Variants in GLCE observed in about 807,000 individuals in gnomAD.
GLCE encodes D-glucuronyl C5-epimerase.
In GLCE, 19 loss-of-function variants were observed where a neutral mutation model predicts 47.9. The ratio of observed to expected loss-of-function variants is 0.40; its 90% CI spans 0.28 to 0.58. The LOEUF (loss-of-function observed/expected upper bound fraction) is 0.58, where lower values mean the gene tolerates loss of function less well. Among genes scored for constraint, GLCE ranks in the 20% least tolerant of loss-of-function variants. The pLI is 0.48. For missense variants in GLCE, 556 were observed against 743.3 expected (o/e 0.75, Z 2.93); for synonymous variants, 245 against 263.4 (o/e 0.93, Z 0.68).
intron 4 of GLCE, among the ~76,000 whole-genome samples, chr15:69,262,270 T>G (rs1272339283): frequency 6.6e-6 from 1 of 152,234 alleles, no homozygotes; most frequent in African/African-American, 2.4e-5. Flanking sequence ...TTAATTTTTA[T>G]TCTGTCACTA....
At chr15:69,249,486 TATTTC>T (rs2052805264) in intron 2 of GLCE, among the ~76,000 whole-genome samples, 1 of 152,226 alleles carries the variant, frequency 6.6e-6, no homozygotes, top group Non-Finnish European at 1.5e-5. Flanking sequence ...GAGCAATTAC[TATTTC>T]ATCTACTTAC....
intron 2 of GLCE, among the ~76,000 whole-genome samples, chr15:69,254,452 G>A (rs1463903704): frequency 6.6e-6 from 1 of 152,180 alleles, no homozygotes; most frequent in Admixed American, 6.5e-5. Context: ...GTTAAGAATA[G>A]ACTTGAGGGT....
intron 2 of GLCE, among the ~76,000 whole-genome samples, chr15:69,233,595 G>A (rs1048924984): frequency 3.4e-4 from 52 of 152,260 alleles, no homozygotes; most frequent in African/African-American, 1.2e-3. Flanking sequence ...CTTCCTAGAG[G>A]TGGAGTTTCA....
At chr15:69,199,369 G>A in intron 1 of GLCE, among the ~76,000 whole-genome samples, 1 of 152,104 alleles carries the variant, frequency 6.6e-6, no homozygotes, top group Middle Eastern at 3.2e-3. Context: ...TTATGACATG[G>A]ATGAGCATAA....
chr15:69,256,146 G>GCC lies in GLCE; in HGVS notation c.340_341insCC (p.Glu114AlafsTer79). On this transcript the variant is annotated frameshift_variant, in exon 3 of 5. Coordinates refer to ENST00000261858, the MANE Select transcript of GLCE (RefSeq NM_015554.3). LOFTEE classifies it high-confidence loss of function. ...AGAAATTGACTGTCTCATAAATGAT[G>GCC]AACACACAATTAAAGGGAGACGAGA... 1 of 1,613,866 alleles carries GCC rather than the reference G, an allele frequency of 6.2e-7. No individual in the cohort carries two copies. Among genetic ancestry groups the GCC allele is most frequent in the Non-Finnish European group, 8.5e-7 (1 of 1,179,818 alleles).
chr15:69,240,533 G>T (rs2052655419), intron 2 of GLCE, among the ~76,000 whole-genome samples: 3 of 152,052 alleles, frequency 2.0e-5, no homozygotes, highest in African/African-American at 7.2e-5. Context: ...GCAGCAGGTG[G>T]GGATGAAAGT....
chr15:69,204,938 A>G (rs543655169), intron 1 of GLCE, among the ~76,000 whole-genome samples: 3 of 152,294 alleles, frequency 2.0e-5, no homozygotes, highest in East Asian at 1.9e-4. Context: ...TTTACAGACT[A>G]TAAGATCCAA....
At chr15:69,251,952 A>C (rs1185839846) in intron 2 of GLCE, among the ~76,000 whole-genome samples, 1 of 152,122 alleles carries the variant, frequency 6.6e-6, no homozygotes, top group Non-Finnish European at 1.5e-5. Flanking sequence ...TAATTTTCTA[A>C]TTTTATCTGT....
intron 1 of GLCE, among the ~76,000 whole-genome samples, chr15:69,205,680 G>T (rs1238082374): frequency 1.3e-5 from 2 of 151,932 alleles, no homozygotes; most frequent in African/African-American, 4.8e-5. Flanking sequence ...TTTCATTTTA[G>T]CCATTCTAAT....
intron 4 of GLCE, among the ~76,000 whole-genome samples, chr15:69,262,848 G>A (rs956096337): frequency 2.7e-4 from 41 of 152,176 alleles, no homozygotes; most frequent in African/African-American, 9.4e-4. Flanking sequence ...ATGGAATTCT[G>A]TGTGTGCATG....
chr15:69,166,993 A>G (rs191113889), intron 1 of GLCE, among the ~76,000 whole-genome samples: 2,226 of 150,134 alleles, frequency 0.015, 25 homozygotes, highest in Non-Finnish European at 0.024. Flanking sequence ...AAGCAGGTGG[A>G]TCACTTGAGT....
At chr15:69,195,525 A>T (rs1382002938) in intron 1 of GLCE, among the ~76,000 whole-genome samples, 1 of 152,128 alleles carries the variant, frequency 6.6e-6, no homozygotes, top group African/African-American at 2.4e-5. Flanking sequence ...GAAAGTCTGT[A>T]TCAGATTTTG....
intron 2 of GLCE, among the ~76,000 whole-genome samples, chr15:69,253,831 C>T (rs2052882962): frequency 1.3e-5 from 2 of 152,044 alleles, no homozygotes; most frequent in Non-Finnish European, 2.9e-5. Flanking sequence ...GAAATCAAAC[C>T]CCTTATGAAT....
intron 1 of GLCE, among the ~76,000 whole-genome samples, chr15:69,177,732 G>A (rs143007174): frequency 4.2e-5 from 6 of 143,632 alleles, no homozygotes; most frequent in South Asian, 2.2e-4. Flanking sequence ...ACTTCATGCC[G>A]CTTTATCATC....
At chr15:69,170,560 TTG>T (rs1161598901) in intron 1 of GLCE, among the ~76,000 whole-genome samples, 5 of 152,134 alleles carry the variant, frequency 3.3e-5, no homozygotes, top group Admixed American at 1.3e-4. Context: ...GTATATATAT[TTG>T]TGTGTGCATG....
intron 1 of GLCE, among the ~76,000 whole-genome samples, chr15:69,167,552 C>T (rs1019014056): frequency 6.6e-6 from 1 of 152,230 alleles, no homozygotes; most frequent in Non-Finnish European, 1.5e-5. Context: ...TAAGTGCCAA[C>T]CATGGGCCAA....
chr15:69,196,942 C>A (rs2052002974), intron 1 of GLCE: 2 of 223,976 alleles, frequency 8.9e-6, no homozygotes, highest in South Asian at 1.4e-4. Flanking sequence ...AGAAGAAGCT[C>A]CAGAGCACTT....
At chr15:69,196,961 C>A in intron 1 of GLCE, 1 of 237,686 alleles carries the variant, frequency 4.2e-6, no homozygotes, top group Non-Finnish European at 8.4e-6. Flanking sequence ...TTCCCAAAGC[C>A]AAACTTCTAC....
At chr15:69,226,825 A>G (rs925639307) in intron 2 of GLCE, among the ~76,000 whole-genome samples, 1 of 130,464 alleles carries the variant, frequency 7.7e-6, no homozygotes, top group Non-Finnish European at 1.5e-5. Context: ...GCTCACTGCA[A>G]CCTCCGCCTC....
Sources: allele counts gnomAD v4.1 joint callset (sites outside exome capture counted in the v4.1 genomes callset), GRCh38; gene constraint gnomAD v4.1.1; transcripts MANE v1.5; gene names NCBI Gene and HGNC (gene_info 2026-07-23, HGNC 2026-07-21).